COL4A6: variants seen among roughly 807,000 people sequenced by gnomAD.
The protein encoded by COL4A6 is collagen alpha-6(IV) chain.
COL4A6 carries 59 observed loss-of-function variants against 126.7 expected under a neutral mutation model. That is an observed-to-expected ratio of 0.47 (90% CI 0.38 to 0.58). The LOEUF (loss-of-function observed/expected upper bound fraction) is 0.58, where lower values mean the gene tolerates loss of function less well. Among genes scored for constraint, COL4A6 ranks in the 20% least tolerant of loss-of-function variants. COL4A6 has a pLI of 0.00. For missense variants in COL4A6, 1,285 were observed against 1,337.3 expected, an observed-to-expected ratio of 0.96 and a Z score of 0.61; for synonymous variants, 547 against 496.6, an observed-to-expected ratio of 1.10 and a Z score of -1.35.
chrX:108,219,577 A>C, intron 5 of COL4A6, 121 bp downstream of exon 5: 1 of 644,340 alleles, frequency 1.6e-6, no homozygotes, highest in Non-Finnish European at 2.5e-6. Context: ...CACCATACAT[A>C]TCTCAACACT....
chrX:108,268,694 T>C (rs73636394), intron 3 of COL4A6: 2,096 of 123,056 alleles, frequency 0.017, 34 homozygotes, highest in East Asian at 0.077. Context: ...TCAGACTTCT[T>C]TGCTTCCTCA....
chrX:108,350,436 C>T (rs2039812522), intron 2 of COL4A6, among the ~76,000 whole-genome samples: 2 of 111,221 alleles, frequency 1.8e-5, no homozygotes, highest in Admixed American at 1.9e-4. Context: ...GGTCCTCATC[C>T]CAGACCTACT....
chrX:108,192,064 T>A (rs1401715769), intron 18 of COL4A6, among the ~76,000 whole-genome samples: 6 of 111,884 alleles, frequency 5.4e-5, no homozygotes, highest in African/African-American at 2.0e-4. Flanking sequence ...GACCATTCAG[T>A]GCCTGGCTGA....
chrX:108,417,298 G>C (rs2148259115), intron 2 of COL4A6, among the ~76,000 whole-genome samples: 1 of 111,843 alleles, frequency 8.9e-6, no homozygotes, highest in South Asian at 3.8e-4. Context: ...TACTGCGTTT[G>C]GGTGGTGGTG....
intron 3 of COL4A6, among the ~76,000 whole-genome samples, chrX:108,241,782 C>T (rs970325383): frequency 9.2e-6 from 1 of 108,467 alleles, no homozygotes; most frequent in Non-Finnish European, 1.9e-5. Context: ...AAAATAGAAT[C>T]CATTTTCTTA....
chrX:108,354,048 G>A (rs2039902246), intron 2 of COL4A6, among the ~76,000 whole-genome samples: 1 of 111,715 alleles, frequency 9.0e-6, no homozygotes, highest in Non-Finnish European at 1.9e-5. Context: ...AGCTATTTGG[G>A]AGGCTGAGGC....
chrX:108,232,054 C>T (rs748680906), intron 3 of COL4A6, among the ~76,000 whole-genome samples: 11 of 111,405 alleles, frequency 9.9e-5, no homozygotes, highest in African/African-American at 2.6e-4. Flanking sequence ...AATATAGGCA[C>T]AGTATGCTAA....
intron 37 of COL4A6, among the ~76,000 whole-genome samples, chrX:108,168,225 C>T (rs1313446951): frequency 9.0e-6 from 1 of 111,450 alleles, no homozygotes; most frequent in African/African-American, 3.3e-5. Context: ...AGAAAATGTC[C>T]CTGTGTTTTT....
intron 2 of COL4A6, among the ~76,000 whole-genome samples, chrX:108,378,673 T>C (rs1023000881): frequency 2.7e-5 from 3 of 113,006 alleles, no homozygotes; most frequent in African/African-American, 9.6e-5. Flanking sequence ...AAACTATTCA[T>C]GTAATCTTCC....
chrX:108,300,724 CGTGTGTGTGTGT>C lies in COL4A6; in HGVS notation c.144+10012_144+10023del, dbSNP rs58203884. Reference sequence around the variant, plus strand: ...GCAGTGATGGGTAGTCAAACATTGGCGTGTGTGTGTGTGTGTGTGTGTGTGTGTGTAGCCGCC... The same window carrying C: ...GCAGTGATGGGTAGTCAAACATTGGCGTGTGTGTGTGTGTGTGTAGCCGCC... On this transcript the variant is annotated intron_variant, in intron 3 of 44. Coordinates refer to ENST00000334504, the MANE Select transcript of COL4A6 (RefSeq NM_033641.4). 6.5e-5 allele frequency among the ~76,000 whole-genome samples: 6 copies of C among 92,382 alleles called. No individual in the cohort carries two copies. The South Asian group carries it at 1.6e-3, about 25-fold the overall frequency. The allele number at this position is 92,382 out of a possible 115,157, so 80.2% of individuals were successfully genotyped here.
At chrX:108,300,684 G>C (rs955536444) in intron 3 of COL4A6, among the ~76,000 whole-genome samples, 5 of 107,377 alleles carry the variant, frequency 4.7e-5, no homozygotes, top group Non-Finnish European at 7.7e-5. Context: ...TTACCATTTA[G>C]ACTTTTAATC....
chrX:108,255,673 T>C (rs112201986), intron 3 of COL4A6, among the ~76,000 whole-genome samples: 133 of 110,545 alleles, frequency 1.2e-3, no homozygotes, highest in African/African-American at 3.9e-3. Flanking sequence ...TCTGACTCTT[T>C]GCTTGCCCAT....
intron 3 of COL4A6, among the ~76,000 whole-genome samples, chrX:108,228,685 C>A (rs912442483): frequency 9.0e-5 from 10 of 111,622 alleles, no homozygotes; most frequent in Admixed American, 8.5e-4. Context: ...TGGGGGAAGC[C>A]CCTTATAAAA....
intron 2 of COL4A6, among the ~76,000 whole-genome samples, chrX:108,345,490 T>C (rs112280607): frequency 8.9e-6 from 1 of 111,774 alleles, no homozygotes; most frequent in African/African-American, 3.2e-5. Flanking sequence ...AACCCAAGCA[T>C]AGGAGATCAG....
rs192096474 is a variant in COL4A6, at chrX:108,228,830, T to A, written c.145-7456A>T. ...ACGGGAACTACAGTTCAAGATGAGA[T>A]TTGGGTGGGAATATAGCCAAACCAT... On this transcript the variant is annotated intron_variant, in intron 3 of 44. Coordinates refer to ENST00000334504, the MANE Select transcript of COL4A6 (RefSeq NM_033641.4). Among the ~76,000 whole-genome samples, 15 of 112,482 alleles carry A rather than the reference T, an allele frequency of 1.3e-4. No individual in the cohort carries two copies. The East Asian group carries it at 4.2e-3, about 32-fold the overall frequency.
chrX:108,252,357 C>T (rs768034149), intron 3 of COL4A6, among the ~76,000 whole-genome samples: 25 of 111,718 alleles, frequency 2.2e-4, no homozygotes, highest in African/African-American at 7.8e-4. Context: ...TGTACATATA[C>T]CACATTTTAA....
chrX:108,419,951 G>T (rs2041502594), intron 2 of COL4A6, among the ~76,000 whole-genome samples: 1 of 111,923 alleles, frequency 8.9e-6, no homozygotes, highest in Non-Finnish European at 1.9e-5. Context: ...TTAACAAATT[G>T]ACAAGTTCCT....
intron 4 of COL4A6, chrX:108,221,010 A>G (rs2036002869): frequency 2.3e-6 from 1 of 428,479 alleles, no homozygotes; most frequent in African/African-American, 2.4e-5. Context: ...AGGCAGGAGA[A>G]TCATTTGAAC....
chrX:108,162,948 T>G lies in COL4A6; in HGVS notation c.4160A>C (p.Asp1387Ala), dbSNP rs1004656676. 7.5e-6 allele frequency: 9 copies of G among 1,201,313 alleles called. No individual in the cohort carries two copies. The highest frequency in any genetic ancestry group is 1.0e-5 in the Non-Finnish European group (9 of 890,585). Residue 1387 changes from aspartate to alanine, a missense_variant, in exon 41 of 45, where the codon GAT becomes GCT. Physicochemically the swap from Asp to Ala is moderately radical, Grantham distance 126. Transcript: ENST00000334504. Reference protein sequence around the residue: ...PPGPLGLPGIDGIPGLTGDPG... With the variant: ...PPGPLGLPGIAGIPGLTGDPG... ...GTCCCCAGTGAGGCCAGGGATGCCA[T>G]CGATCCCTGGTAGACCCAAGGGTCC...
Sources: gnomAD v4.1 joint callset for allele counts (sites outside exome capture counted in the v4.1 genomes callset) on GRCh38, gnomAD v4.1.1 for gene constraint, MANE v1.5 for transcripts, NCBI Gene and HGNC (gene_info 2026-07-23, HGNC 2026-07-21) for gene names.